The following ACSL3 variants were observed in gnomAD, a reference collection of about 807,000 sequenced individuals.
ACSL3 encodes fatty acid CoA ligase Acsl3.
A neutral mutation model predicts 84.7 loss-of-function variants in ACSL3; 34 were observed. That is an observed-to-expected ratio of 0.40 (90% CI 0.31 to 0.53). ACSL3 has a LOEUF of 0.53. Among genes scored for constraint, ACSL3 ranks in the 20% least tolerant of loss-of-function variants. The pLI is 0.48. For missense variants in ACSL3, 680 were observed against 873.1 expected (o/e 0.78, Z 2.79); for synonymous variants, 315 against 299.4 (o/e 1.05, Z -0.54).
At chr2:222,921,789 T>C (rs4674725) in intron 8 of ACSL3, among the ~76,000 whole-genome samples, 138,692 of 152,158 alleles carry the variant, frequency 0.91, 63,326 homozygotes, top group East Asian at 0.98. Flanking sequence ...CTTCAGTATT[T>C]GGTCTCTGAT....
intron 1 of ACSL3, among the ~76,000 whole-genome samples, chr2:222,882,829 A>G (rs1406488464): frequency 7.1e-6 from 1 of 139,966 alleles, no homozygotes; most frequent in African/African-American, 2.7e-5. Context: ...GTGCAGTGGC[A>G]TGATCTTGGC....
At chr2:222,919,999 C>T (rs1433421751) in intron 7 of ACSL3, among the ~76,000 whole-genome samples, 1 of 151,972 alleles carries the variant, frequency 6.6e-6, no homozygotes, top group Non-Finnish European at 1.5e-5. Context: ...GCTTCAGAGG[C>T]TACTAAGGAC....
At chr2:222,892,013 T>TA (rs1350870337) in intron 2 of ACSL3, among the ~76,000 whole-genome samples, 1 of 152,236 alleles carries the variant, frequency 6.6e-6, no homozygotes, top group African/African-American at 2.4e-5. Context: ...ATTTTTGTAT[T>TA]AAGGAGGTTC....
At chr2:222,940,227 CTTGTAGGGAATAT>C (rs2106146289) in intron 16 of ACSL3, among the ~76,000 whole-genome samples, 1 of 152,284 alleles carries the variant, frequency 6.6e-6, no homozygotes, top group African/African-American at 2.4e-5. Flanking sequence ...ATCCACATAG[CTTGTAGGGAATAT>C]CCTGGTTCAA....
In ACSL3 at chr2:222,882,124, A is replaced by G. The variant is rs77688825; in HGVS notation, c.-206-5706A>G. Among the ~76,000 whole-genome samples the G allele has an allele frequency of 6.0e-3, 915 of 152,318 alleles. 11 individuals carry two copies. Among genetic ancestry groups the G allele is most frequent in the African/African-American group, 0.021 (854 of 41,556 alleles). On this transcript the variant is annotated intron_variant, in intron 1 of 16. Coordinates refer to ENST00000357430, the MANE Select transcript of ACSL3 (RefSeq NM_004457.5). ...AACTTCAGATCATTCTGGCTTAACA[A>G]AATTGTTTTAAAACTTAAAGGAATA...
At chr2:222,925,376 A>G (rs977909406) in intron 11 of ACSL3, among the ~76,000 whole-genome samples, 3 of 148,988 alleles carry the variant, frequency 2.0e-5, no homozygotes, top group Non-Finnish European at 4.4e-5. Context: ...CCATCTTGAC[A>G]TGGGAGGATT....
intron 11 of ACSL3, among the ~76,000 whole-genome samples, chr2:222,925,096 G>A (rs1305773281): frequency 6.6e-6 from 1 of 151,882 alleles, no homozygotes; most frequent in African/African-American, 2.4e-5. Context: ...CAGTGCTTTG[G>A]GAGGCCAAGG....
Position 222,924,586 on chromosome 2 carries a change from TG to T in ACSL3, c.1284del (p.Cys429AlafsTer13). 6.2e-7 allele frequency: 1 copy of T among 1,603,306 alleles called. No individual in the cohort carries two copies. The highest frequency in any genetic ancestry group is 8.5e-7 in the Non-Finnish European group (1 of 1,176,280). On this transcript the variant is annotated frameshift_variant, in exon 11 of 17. Transcript: ENST00000357430. LOFTEE classifies it high-confidence loss of function. Reference protein sequence around the residue: ...EQISKGRNTPLCDSFVFRKVR... With the variant: ...EQISKGRNTPXCDSFVFRKVR... The stretch of plus-strand genomic sequence containing the variant: ...ATTTCAAAAGGACGTAATACTCCAC[TG>T]TGCGACAGGTAAGTAAAGACTCTCT...
At chr2:222,921,624 CAT>C (rs1292864146) in intron 8 of ACSL3, among the ~76,000 whole-genome samples, 194 bp downstream of exon 8, 1 of 151,880 alleles carries the variant, frequency 6.6e-6, no homozygotes, top group East Asian at 1.9e-4. Context: ...GAAAATATAT[CAT>C]ATAGATATAT....
rs1294158861 is a variant in ACSL3, at chr2:222,897,866, G to A, written c.-147-2808G>A. Reference sequence around the variant, plus strand: ...ATGGAGGTTGCAGTGAGCCGAGATCGCAGCAGTACAGTCCAGCTTCGGCTC... The same window carrying A: ...ATGGAGGTTGCAGTGAGCCGAGATCACAGCAGTACAGTCCAGCTTCGGCTC... On this transcript the variant is annotated intron_variant, in intron 2 of 16. Transcript: ENST00000357430. Among the ~76,000 whole-genome samples the A allele has an allele frequency of 3.3e-4, 2 of 6,108 alleles. 1 individual carries two copies. Among genetic ancestry groups the A allele is most frequent in the Non-Finnish European group, 4.6e-4 (2 of 4,354 alleles). The allele number at this position is 6,108 out of a possible 152,430, so 4.0% of individuals were successfully genotyped here. A position where few individuals can be genotyped will look rare whatever the true frequency, so the allele number is the denominator to read the frequency against.
At chr2:222,865,794 C>CTGTGTGTGTG (rs3219912) in intron 1 of ACSL3, among the ~76,000 whole-genome samples, 1,784 of 150,098 alleles carry the variant, frequency 0.012, 43 homozygotes, top group African/African-American at 0.039. Context: ...TTTGGATCCT[C>CTGTGTGTGTG]TGTGTGTGTG....
chr2:222,904,703 A>G (rs563613118), intron 3 of ACSL3: 1 of 154,026 alleles, frequency 6.5e-6, no homozygotes, highest in South Asian at 2.1e-4. Flanking sequence ...TGAAACACTC[A>G]TAGAAGGTTC....
chr2:222,923,481 G>A (rs192271366), intron 10 of ACSL3, among the ~76,000 whole-genome samples: 1 of 152,306 alleles, frequency 6.6e-6, no homozygotes, highest in East Asian at 1.9e-4. Context: ...AGGAGGGAAA[G>A]TGTGAGATCA....
At chr2:222,934,884 T>G (rs887727476) in intron 16 of ACSL3, among the ~76,000 whole-genome samples, 197 bp downstream of exon 16, 1 of 152,240 alleles carries the variant, frequency 6.6e-6, no homozygotes, top group African/African-American at 2.4e-5. Flanking sequence ...CAAACTGATG[T>G]ACATGTATCT....
In ACSL3 at chr2:222,919,100, A is replaced by G; in HGVS notation, c.703A>G (p.Ile235Val). The change falls in exon 7 of 17, where the codon ATC (isoleucine) becomes GTC (valine). Residue 235 changes from isoleucine (I) to valine (V), a missense_variant. This residue lies in a region of ACSL3 where 333 missense variants were observed against 347.5 expected (regional missense o/e 0.96). Coordinates refer to ENST00000357430, the MANE Select transcript of ACSL3 (RefSeq NM_004457.5). ...VSLVPRLRHI[I>V]TVDGKPPTWS... The stretch of plus-strand genomic sequence containing the variant: ...TTTGGTCCCACGCCTGCGGCACATC[A>G]TCACTGTTGATGGAAAGCCACCGAC... 6.2e-7 allele frequency: 1 copy of G among 1,614,110 alleles called. No homozygotes were observed. The highest frequency in any genetic ancestry group is 8.5e-7 in the Non-Finnish European group (1 of 1,179,994).
At chr2:222,910,024 T>G (rs558089067) in intron 4 of ACSL3, among the ~76,000 whole-genome samples, 1 of 152,346 alleles carries the variant, frequency 6.6e-6, no homozygotes, top group Non-Finnish European at 1.5e-5. Context: ...TGATCACAGC[T>G]TTCATGCTTG....
At chr2:222,872,370 C>T (rs1471287131) in intron 1 of ACSL3, among the ~76,000 whole-genome samples, 1 of 152,184 alleles carries the variant, frequency 6.6e-6, no homozygotes, top group Non-Finnish European at 1.5e-5. Context: ...AGGTGATCCT[C>T]CTGCCTCGGT....
chr2:222,872,107 A>G (rs1695319082), intron 1 of ACSL3, among the ~76,000 whole-genome samples: 1 of 152,164 alleles, frequency 6.6e-6, no homozygotes, highest in African/African-American at 2.4e-5. Flanking sequence ...AAAATAGATA[A>G]TAGTACTAAG....
chr2:222,934,994 C>G (rs1419704349), intron 16 of ACSL3, among the ~76,000 whole-genome samples: 3 of 152,104 alleles, frequency 2.0e-5, no homozygotes, highest in Non-Finnish European at 4.4e-5. Context: ...CACACTAGCC[C>G]ATAGTGATCA....
Sources: gnomAD v4.1 joint callset for allele counts (sites outside exome capture counted in the v4.1 genomes callset) on GRCh38, gnomAD v4.1.1 for gene constraint, gnomAD v4.1.1 regional missense constraint, MANE v1.5 for transcripts, NCBI Gene and HGNC (gene_info 2026-07-23, HGNC 2026-07-21) for gene names.